The following TRMO variants were observed in gnomAD, a reference collection of about 807,000 sequenced individuals.
TRMO encodes the protein tRNA methyltransferase O.
A neutral mutation model predicts 37.2 loss-of-function variants in TRMO; 30 were observed. That is an observed-to-expected ratio of 0.81 (90% CI 0.60 to 1.09). TRMO has a LOEUF of 1.09. Among genes scored for constraint, TRMO ranks in the 50% least tolerant of loss-of-function variants. TRMO has a pLI of 0.00. For synonymous variants in TRMO, 239 were observed against 199.4 expected, an observed-to-expected ratio of 1.20 and a Z score of -1.67; for missense variants, 552 against 549.5, an observed-to-expected ratio of 1.00 and a Z score of -0.05.
At chr9:97,910,988 G>A in intron 3 of TRMO, 1 of 478,592 alleles carries the variant, frequency 2.1e-6, no homozygotes, top group Admixed American at 2.3e-5. Context: ...ACGCAGGCAG[G>A]CCCCTTAACA....
Position 97,912,874 on chromosome 9 carries a change from TG to T in TRMO, c.409+526del, listed in dbSNP as rs1386163924. On this transcript the variant is annotated intron_variant, in intron 3 of 4. Coordinates refer to ENST00000375119, the MANE Select transcript of TRMO (RefSeq NM_016481.5). ...AAACTAGTTTAAAACTTCTACAACCTGACCAATGTTTGTCCTTGTAGTGTGA... is the reference window on the plus strand; with the variant it reads ...AAACTAGTTTAAAACTTCTACAACCTACCAATGTTTGTCCTTGTAGTGTGA... The T allele has an allele frequency of 1.0e-4, 129 of 1,285,404 alleles. No individual in the cohort carries two copies. The African/African-American group carries it at 1.1e-3, about 11-fold the overall frequency. The allele number at this position is 1,285,404 out of a possible 1,614,324, so 79.6% of individuals were successfully genotyped here.
At position 97,922,500 on chromosome 9, in the gene TRMO, T is replaced by C. The variant is rs1213221368; in HGVS notation, c.-7A>G. 2 of 1,569,140 alleles carry C rather than the reference T, an allele frequency of 1.3e-6. No homozygotes were observed. The highest frequency in any genetic ancestry group is 1.3e-5 in the African/African-American group (1 of 74,442). ...ACTCCTCCAAGCCGCGCATGGCTAC[T>C]GGTTGCTGAGGTGCCCACCCGACGC... On this transcript the variant is annotated 5_prime_UTR_variant, in exon 1 of 5. Transcript: ENST00000375119.
intron 4 of TRMO, among the ~76,000 whole-genome samples, chr9:97,908,586 C>T (rs1397515922): frequency 6.6e-6 from 1 of 152,054 alleles, no homozygotes; most frequent in Non-Finnish European, 1.5e-5. Flanking sequence ...GAGACCCTGT[C>T]TCAAAAATAA....
intron 1 of TRMO, among the ~76,000 whole-genome samples, chr9:97,919,376 AGAAAG>A (rs1011751149): frequency 6.6e-6 from 1 of 152,024 alleles, no homozygotes; most frequent in Non-Finnish European, 1.5e-5. Context: ...AAAAAAAGAA[AGAAAG>A]AAAAGAAAAG....
In TRMO at chr9:97,913,410, T is replaced by C; in HGVS notation, c.400A>G (p.Lys134Glu). ...AAATGAAATGGGTTACCTTCTACCT[T>C]TTCCAGCTTGGCCAGGGTCAGTCCT... ...AIGLTLAKLE[K>E]VEGGAIYLSG... Residue 134 changes from lysine to glutamate, a missense_variant, in exon 3 of 5, where the codon AAG (lysine) becomes GAG (glutamate). Transcript: ENST00000375119. 1 of 1,614,028 alleles carries C rather than the reference T, an allele frequency of 6.2e-7. No homozygotes were observed. The highest frequency in any genetic ancestry group is 8.5e-7 in the Non-Finnish European group (1 of 1,179,974).
Position 97,910,237 on chromosome 9 carries a change from A to G in TRMO, c.789T>C (p.Ser263=), listed in dbSNP as rs1359817992. ...CAATTTGTTCTTCTGCCACGCTGGAACTCTGATCACGTCTTGATTCCAAAC... is the reference window on the plus strand; with the variant it reads ...CAATTTGTTCTTCTGCCACGCTGGAGCTCTGATCACGTCTTGATTCCAAAC... ...DFGLESRRDQ[S]SSVAEEQIGP... is the part of the protein sequence containing the mutation. Residue 263 remains serine, a synonymous_variant, in exon 4 of 5, where the codon AGT becomes AGC. Coordinates refer to ENST00000375119, the MANE Select transcript of TRMO (RefSeq NM_016481.5). The G allele has an allele frequency of 9.3e-6, 15 of 1,613,852 alleles. No homozygotes were observed. The highest frequency in any genetic ancestry group is 1.3e-5 in the Non-Finnish European group (15 of 1,179,992).
chr9:97,910,100 G>A lies in TRMO; in HGVS notation c.926C>T (p.Ala309Val), dbSNP rs778317652. The A allele has an allele frequency of 1.1e-5, 18 of 1,614,096 alleles. No homozygotes were observed. The highest frequency in any genetic ancestry group is 1.5e-5 in the Non-Finnish European group (18 of 1,179,976). The change falls in exon 4 of 5, where the codon GCC becomes GTC. Residue 309 changes from alanine (A) to valine (V), a missense_variant. By Grantham distance (64) the Ala-to-Val change is moderately conservative (BLOSUM62 0). Transcript: ENST00000375119. Reference protein sequence around the residue: ...QGSRAETQPMAPHCPAGRADG... With the variant: ...QGSRAETQPMVPHCPAGRADG... ...AGCCCTTCCAGCAGGGCAGTGAGGG[G>A]CCATGGGCTGTGTCTCTGCCCTGCT...
chr9:97,914,466 G>T (rs951350961), intron 2 of TRMO, among the ~76,000 whole-genome samples: 4 of 152,044 alleles, frequency 2.6e-5, no homozygotes, highest in Non-Finnish European at 5.9e-5. Context: ...AATTTTAGAG[G>T]ATAATTTGGA....
intron 3 of TRMO, chr9:97,911,711 G>A (rs1390287752): frequency 6.6e-6 from 1 of 152,122 alleles, no homozygotes; most frequent in Non-Finnish European, 1.5e-5. Flanking sequence ...CAGCACATAA[G>A]TCAGCATTAC....
At chr9:97,913,041 T>A in intron 3 of TRMO, 1 of 693,782 alleles carries the variant, frequency 1.4e-6, no homozygotes, top group East Asian at 6.5e-5. Flanking sequence ...CAATGAGTTA[T>A]TGTGTGTTAA....
At chr9:97,918,235 A>T (rs879869694) in intron 1 of TRMO, among the ~76,000 whole-genome samples, 40 of 151,248 alleles carry the variant, frequency 2.6e-4, no homozygotes, top group Non-Finnish European at 5.0e-4. Flanking sequence ...ACAAAAAAAA[A>T]AAATAATTAG....
At chr9:97,918,760 G>A (rs140783425) in intron 1 of TRMO, among the ~76,000 whole-genome samples, 2 of 152,252 alleles carry the variant, frequency 1.3e-5, no homozygotes, top group East Asian at 3.9e-4. Context: ...GAAACCCCGT[G>A]TATACACCAC....
chr9:97,909,350 A>T (rs1166214729), intron 4 of TRMO, among the ~76,000 whole-genome samples: 6 of 152,156 alleles, frequency 3.9e-5, no homozygotes, highest in Non-Finnish European at 5.9e-5. Context: ...GGGCTGGGGA[A>T]ACCAGATAAC....
intron 4 of TRMO, among the ~76,000 whole-genome samples, chr9:97,908,986 A>G (rs1362534584): frequency 1.3e-5 from 2 of 152,010 alleles, no homozygotes; most frequent in Non-Finnish European, 2.9e-5. Context: ...ATGGAGTCTC[A>G]CTCTGTCACC....
intron 1 of TRMO, among the ~76,000 whole-genome samples, chr9:97,916,629 T>C (rs1826374197): frequency 6.6e-6 from 1 of 151,512 alleles, no homozygotes. Context: ...GAATACCTAC[T>C]ATGACCATAA....
chr9:97,915,399 C>A (rs1435142963), intron 2 of TRMO, among the ~76,000 whole-genome samples: 1 of 152,192 alleles, frequency 6.6e-6, no homozygotes, highest in Non-Finnish European at 1.5e-5. Flanking sequence ...GCTGCTATAG[C>A]ACGAAAGCAG....
intron 4 of TRMO, among the ~76,000 whole-genome samples, chr9:97,908,184 G>A (rs536760194): frequency 1.1e-4 from 17 of 152,214 alleles, no homozygotes; most frequent in Admixed American, 4.6e-4. Flanking sequence ...AGGCCAAGGC[G>A]GGGGAATCAC....
At chr9:97,922,388 G>C in intron 1 of TRMO, 30 bp downstream of exon 1, 1 of 1,465,336 alleles carries the variant, frequency 6.8e-7, no homozygotes, top group Non-Finnish European at 9.4e-7. Flanking sequence ...AACCTCTCCA[G>C]AGTGTGGCAC....
downstream of TRMO, among the ~76,000 whole-genome samples, chr9:97,901,532 T>G (rs1831168801): frequency 6.6e-6 from 1 of 152,158 alleles, no homozygotes; most frequent in Non-Finnish European, 1.5e-5. Flanking sequence ...TTCCATCTCA[T>G]TTTTAGGATT....
Sources: allele counts gnomAD v4.1 joint callset (sites outside exome capture counted in the v4.1 genomes callset), GRCh38; gene constraint gnomAD v4.1.1; transcripts MANE v1.5; gene names NCBI Gene and HGNC (gene_info 2026-07-23, HGNC 2026-07-21).